Variants in KCND3 observed in about 807,000 individuals in gnomAD.
The protein encoded by KCND3 is potassium voltage-gated channel subfamily D member 3.
A neutral mutation model predicts 51.1 loss-of-function variants in KCND3; 9 were observed. The ratio of observed to expected loss-of-function variants is 0.18; its 90% CI spans 0.11 to 0.31. The LOEUF (loss-of-function observed/expected upper bound fraction) is 0.31, where lower values mean the gene tolerates loss of function less well. Among genes scored for constraint, KCND3 ranks in the 10% least tolerant of loss-of-function variants. The probability of loss-of-function intolerance (pLI) is 1.00; values close to 1 mark genes in which losing one functional copy is unlikely to be tolerated. For missense variants in KCND3, 526 were observed against 903.8 expected (o/e 0.58, Z 5.36); for synonymous variants, 349 against 368.0 (o/e 0.95, Z 0.59).
intron 2 of KCND3, among the ~76,000 whole-genome samples, chr1:111,964,708 G>C (rs909869928): frequency 2.0e-5 from 3 of 152,184 alleles, no homozygotes; most frequent in African/African-American, 7.2e-5. Context: ...GAATAGAATG[G>C]AGAACAGAAC....
intron 1 of KCND3, among the ~76,000 whole-genome samples, chr1:111,984,474 T>A (rs1020797166): frequency 2.6e-5 from 4 of 152,212 alleles, no homozygotes; most frequent in Non-Finnish European, 5.9e-5. Context: ...ACTGCCCTCA[T>A]GAAGGCCCAA....
At chr1:111,886,359 G>A (rs1669572109) in intron 2 of KCND3, among the ~76,000 whole-genome samples, 1 of 152,238 alleles carries the variant, frequency 6.6e-6, no homozygotes, top group Non-Finnish European at 1.5e-5. Flanking sequence ...GCATTGACAA[G>A]TGTGTACAAA....
chr1:111,929,459 G>A (rs557776687), intron 2 of KCND3, among the ~76,000 whole-genome samples: 1 of 152,284 alleles, frequency 6.6e-6, no homozygotes, highest in East Asian at 1.9e-4. Flanking sequence ...TGGCACTATC[G>A]AGTGGCACTG....
At chr1:111,960,754 A>G (rs939227278) in intron 2 of KCND3, among the ~76,000 whole-genome samples, 1 of 152,218 alleles carries the variant, frequency 6.6e-6, no homozygotes, top group Non-Finnish European at 1.5e-5. Context: ...CCCCTTCTCT[A>G]TTAGGATGGG....
chr1:111,955,432 C>T (rs1163046909), intron 2 of KCND3, among the ~76,000 whole-genome samples: 1 of 152,178 alleles, frequency 6.6e-6, no homozygotes, highest in African/African-American at 2.4e-5. Context: ...ACAACAGCAA[C>T]AACAAAAACC....
intron 2 of KCND3, among the ~76,000 whole-genome samples, chr1:111,917,153 G>A (rs1036335991): frequency 1.3e-5 from 2 of 152,122 alleles, no homozygotes; most frequent in African/African-American, 4.8e-5. Flanking sequence ...GTGAAGACTC[G>A]ATATTTATTT....
At chr1:111,777,418 A>G in intron 6 of KCND3, 145 bp from the exon 7 acceptor site, 2 of 848,722 alleles carry the variant, frequency 2.4e-6, no homozygotes, top group Admixed American at 3.8e-5. Flanking sequence ...AGCATTCAGG[A>G]GGGGTGATGT....
intron 2 of KCND3, among the ~76,000 whole-genome samples, chr1:111,958,793 G>C (rs936219408): frequency 1.6e-4 from 25 of 152,196 alleles, no homozygotes; most frequent in Non-Finnish European, 3.5e-4. Context: ...TCCACCTGCA[G>C]GGTTGTGGAG....
At chr1:111,920,434 T>C (rs1671425488) in intron 2 of KCND3, among the ~76,000 whole-genome samples, 1 of 152,228 alleles carries the variant, frequency 6.6e-6, no homozygotes, top group Non-Finnish European at 1.5e-5. Context: ...AGCCAGGCAA[T>C]GACAAAGCAA....
intron 1 of KCND3, among the ~76,000 whole-genome samples, chr1:111,985,301 A>G (rs1249744524): frequency 6.6e-6 from 1 of 152,232 alleles, no homozygotes; most frequent in African/African-American, 2.4e-5. Context: ...ACTGTAGGCC[A>G]TGTTTTGCCC....
At chr1:111,920,181 G>C (rs1301688178) in intron 2 of KCND3, among the ~76,000 whole-genome samples, 3 of 152,214 alleles carry the variant, frequency 2.0e-5, no homozygotes, top group African/African-American at 7.2e-5. Flanking sequence ...ATCTGGGGAA[G>C]GTCATGCAGA....
intron 2 of KCND3, among the ~76,000 whole-genome samples, chr1:111,823,291 C>G (rs1666429197): frequency 6.6e-6 from 1 of 152,166 alleles, no homozygotes; most frequent in Non-Finnish European, 1.5e-5. Flanking sequence ...CTTTTCTTAT[C>G]TAAATTTCAT....
At position 111,777,691 on chromosome 1, in the gene KCND3, G is replaced by A. The variant is rs185085283; in HGVS notation, c.1519-418C>T. Among the ~76,000 whole-genome samples the A allele has an allele frequency of 5.9e-5, 9 of 152,296 alleles. No homozygotes were observed. The East Asian group carries it at 1.7e-3, about 29-fold the overall frequency. The stretch of plus-strand genomic sequence containing the variant: ...TGACTGTGGGAAGTGGGTATGCTAG[G>A]TTGTCTTTCCTGGATTTAATAGGTA... On this transcript the variant is annotated intron_variant, in intron 6 of 7. Transcript: ENST00000302127.
intron 2 of KCND3, among the ~76,000 whole-genome samples, chr1:111,876,096 A>G (rs1669037245): frequency 6.6e-6 from 1 of 152,130 alleles, no homozygotes; most frequent in Non-Finnish European, 1.5e-5. Flanking sequence ...CCAAATGTCC[A>G]TTTCCTCCTT....
At chr1:111,951,893 G>T (rs189180098) in intron 2 of KCND3, among the ~76,000 whole-genome samples, 1 of 152,162 alleles carries the variant, frequency 6.6e-6, no homozygotes, top group African/African-American at 2.4e-5. Context: ...ACAGCAGAGG[G>T]TCTAAGAAAA....
At chr1:111,843,317 C>T (rs1667411384) in intron 2 of KCND3, among the ~76,000 whole-genome samples, 1 of 152,202 alleles carries the variant, frequency 6.6e-6, no homozygotes. Context: ...CGTGGATTTC[C>T]TGGAAGCTGT....
intron 2 of KCND3, among the ~76,000 whole-genome samples, chr1:111,972,464 G>A (rs1306678897): frequency 1.3e-5 from 2 of 152,120 alleles, no homozygotes; most frequent in East Asian, 1.9e-4. Context: ...GAGCCCCCGC[G>A]CCCGGCCCCT....
Position 111,878,840 on chromosome 1 carries a change from A to T in KCND3, c.1107-91734T>A, listed in dbSNP as rs141819353. Among the ~76,000 whole-genome samples, 1,490 of 152,290 alleles carry T rather than the reference A, an allele frequency of 9.8e-3. 20 individuals carry two copies. The highest frequency in any genetic ancestry group is 0.033 in the African/African-American group (1,356 of 41,546). On this transcript the variant is annotated intron_variant, in intron 2 of 7. Coordinates refer to ENST00000302127, the MANE Select transcript of KCND3 (RefSeq NM_001378969.1). Reference sequence around the variant, plus strand: ...AGGGTGCCCAGGTATTTGTTCAAGCATGACTCTGGGTGTGTCTGTGAGGGG... The same window carrying T: ...AGGGTGCCCAGGTATTTGTTCAAGCTTGACTCTGGGTGTGTCTGTGAGGGG...
At chr1:111,978,324 G>C (rs895701216) in intron 2 of KCND3, among the ~76,000 whole-genome samples, 1 of 152,220 alleles carries the variant, frequency 6.6e-6, no homozygotes, top group African/African-American at 2.4e-5. Flanking sequence ...CTCCAGACTG[G>C]AAATAGGAAC....
Sources: gnomAD v4.1 joint callset for allele counts (sites outside exome capture counted in the v4.1 genomes callset) on GRCh38, gnomAD v4.1.1 for gene constraint, MANE v1.5 for transcripts, NCBI Gene and HGNC (gene_info 2026-07-23, HGNC 2026-07-21) for gene names.